PADI1: variants seen among roughly 807,000 people sequenced by gnomAD.
PADI1 encodes the protein peptidyl arginine deiminase 1.
A neutral mutation model predicts 74.8 loss-of-function variants in PADI1; 65 were observed. The ratio of observed to expected loss-of-function variants is 0.87; its 90% CI spans 0.71 to 1.07. The LOEUF is 1.07. PADI1 is among the 50% of genes least tolerant of loss of function. The probability of loss-of-function intolerance (pLI) is 0.00; values close to 1 mark genes in which losing one functional copy is unlikely to be tolerated. For synonymous variants in PADI1, 371 were observed against 336.2 expected (o/e 1.10, Z -1.13); for missense variants, 943 against 854.0 (o/e 1.10, Z -1.30).
intron 11 of PADI1, among the ~76,000 whole-genome samples, chr1:17,236,179 A>G (rs1350083868): frequency 6.6e-6 from 1 of 152,210 alleles, no homozygotes; most frequent in Non-Finnish European, 1.5e-5. Flanking sequence ...ACAACCAAAC[A>G]TTCCAGCAGA....
rs1393117546 is a variant in PADI1 at position 17,245,946 on chromosome 1, T to A, written c.*1703T>A. 1 of 152,224 alleles carries A rather than the reference T, an allele frequency of 6.6e-6. No homozygotes were observed. The highest frequency in any genetic ancestry group is 1.5e-5 in the Non-Finnish European group (1 of 68,040). The allele number at this position is 152,224 out of a possible 1,614,324, so 9.4% of individuals were successfully genotyped here. A position where few individuals can be genotyped will look rare whatever the true frequency, so the allele number is the denominator to read the frequency against. ...GGGGCCCTGGTGTTGGCTCTGAGAA[T>A]GTTCTGGGTGACCAGTCACCTACTT... On this transcript the variant is annotated 3_prime_UTR_variant, in exon 16 of 16. Transcript: ENST00000375471. The surrounding 1 kb of genome is among the most constrained non-coding windows in gnomAD (Gnocchi z 4.1).
At position 17,229,006 on chromosome 1, in the gene PADI1, T is replaced by C; in HGVS notation, c.884T>C (p.Ile295Thr). ...GTGGGCTTCCGCATGGCCCCCTGGA[T>C]CATGACGCCCAACACTCAGCCTCCT... is the stretch of plus-strand genomic sequence containing the variant. ...DTVGFRMAPW[I>T]MTPNTQPPEE... Residue 295 changes from isoleucine to threonine, a missense_variant, in exon 8 of 16, where the codon ATC (isoleucine) becomes ACC (threonine). Coordinates refer to ENST00000375471, the MANE Select transcript of PADI1 (RefSeq NM_013358.3). 6.3e-7 allele frequency: 1 copy of C among 1,593,312 alleles called. No individual in the cohort carries two copies. The highest frequency in any genetic ancestry group is 1.8e-5 in the Admixed American group (1 of 56,946).
Position 17,225,836 on chromosome 1 carries a change from G to A in PADI1, c.434G>A (p.Gly145Asp), listed in dbSNP as rs746655728. 6.2e-7 allele frequency: 1 copy of A among 1,614,108 alleles called. No homozygotes were observed. The highest frequency in any genetic ancestry group is 2.2e-5 in the East Asian group (1 of 44,872). Residue 145 changes from glycine to aspartate, a missense_variant, in exon 5 of 16, where the codon GGC (glycine) becomes GAC (aspartate). Physicochemically the swap from Gly to Asp is moderately conservative, Grantham distance 94. Coordinates refer to ENST00000375471, the MANE Select transcript of PADI1 (RefSeq NM_013358.3). ...AAAACCTGGCGCTGGGGCCCTGAGG[G>A]CTATGGGGCTATCTTGCTGGTGAAC... The part of the protein sequence containing the change: ...DKKTWRWGPE[G>D]YGAILLVNCD...
intron 15 of PADI1, 111 bp downstream of exon 15, chr1:17,240,871 C>T: frequency 1.7e-6 from 2 of 1,187,676 alleles, no homozygotes; most frequent in South Asian, 3.1e-5. Context: ...GCGGACCTCT[C>T]CAGTGTCTGT....
chr1:17,243,319 G>T (rs2072814656), intron 15 of PADI1, among the ~76,000 whole-genome samples: 1 of 114,556 alleles, frequency 8.7e-6, no homozygotes. Flanking sequence ...GTCCCCAAAG[G>T]CTTTTTCAGC....
intron 6 of PADI1, among the ~76,000 whole-genome samples, chr1:17,227,578 TA>T (rs1557468627): frequency 7.2e-6 from 1 of 138,418 alleles, no homozygotes; most frequent in Admixed American, 7.5e-5. Context: ...AATAAATAAA[TA>T]AATTACCACT....
chr1:17,222,517 C>T, intron 2 of PADI1, 47 bp downstream of exon 2: 2 of 1,435,032 alleles, frequency 1.4e-6, no homozygotes, highest in Non-Finnish European at 2.0e-6. Flanking sequence ...TCTCCACCCC[C>T]ATCCAAGGTA....
chr1:17,224,540 G>T, intron 4 of PADI1, 112 bp downstream of exon 4: 1 of 809,794 alleles, frequency 1.2e-6, no homozygotes, highest in Non-Finnish European at 2.1e-6. Flanking sequence ...AGGGTCTGTA[G>T]TATCCAACCA....
At chr1:17,217,591 T>TA (rs1385238033) in intron 1 of PADI1, among the ~76,000 whole-genome samples, 5 of 152,356 alleles carry the variant, frequency 3.3e-5, no homozygotes, top group African/African-American at 1.2e-4. Context: ...CAAATTATAT[T>TA]AAAAACAAAG....
chr1:17,211,800 TG>T (rs556791546), intron 1 of PADI1, among the ~76,000 whole-genome samples: 14 of 152,356 alleles, frequency 9.2e-5, no homozygotes, highest in Admixed American at 5.2e-4. Flanking sequence ...ACCCTCTGTG[TG>T]ACCTCTCTGT....
At chr1:17,225,541 G>T (rs922987262) in intron 4 of PADI1, among the ~76,000 whole-genome samples, 1 of 152,074 alleles carries the variant, frequency 6.6e-6, no homozygotes, top group Non-Finnish European at 1.5e-5. Context: ...CCATTTCTTG[G>T]TGTGGTAATG....
chr1:17,240,868 T>TCC, intron 15 of PADI1, 108 bp downstream of exon 15: 1 of 1,195,308 alleles, frequency 8.4e-7, no homozygotes, highest in South Asian at 1.5e-5. Context: ...CCTGCGGACC[T>TCC]CTCCAGTGTC....
chr1:17,207,484 G>T (rs1404236429), intron 1 of PADI1, among the ~76,000 whole-genome samples: 2 of 152,262 alleles, frequency 1.3e-5, no homozygotes. Flanking sequence ...GCCCATGCAT[G>T]TATAAGACCC....
chr1:17,235,271 G>A (rs952808943), intron 11 of PADI1, among the ~76,000 whole-genome samples: 1 of 142,884 alleles, frequency 7.0e-6, no homozygotes, highest in African/African-American at 2.7e-5. Flanking sequence ...GGGAAGGAAG[G>A]AAGGAAGGAA....
chr1:17,238,516 G>T, intron 12 of PADI1, 100 bp from the exon 13 acceptor site: 2 of 487,854 alleles, frequency 4.1e-6, no homozygotes, highest in South Asian at 6.1e-5. Context: ...GGAGAGGGGA[G>T]TCCCAAGAAC....
chr1:17,220,969 C>T (rs1163481250), intron 1 of PADI1, among the ~76,000 whole-genome samples: 3 of 152,170 alleles, frequency 2.0e-5, no homozygotes, highest in Non-Finnish European at 2.9e-5. Context: ...TGGCTGGGAG[C>T]AGCTGGTGGT....
chr1:17,210,081 C>A (rs530228277), intron 1 of PADI1, among the ~76,000 whole-genome samples: 1 of 152,302 alleles, frequency 6.6e-6, no homozygotes, highest in Non-Finnish European at 1.5e-5. Context: ...CTCAGGTGAT[C>A]TGCCCACCTC....
intron 1 of PADI1, among the ~76,000 whole-genome samples, chr1:17,208,771 A>G (rs751002279): frequency 6.6e-6 from 1 of 152,226 alleles, no homozygotes; most frequent in Non-Finnish European, 1.5e-5. Flanking sequence ...GCTCATGCCA[A>G]TAAAGACAGG....
chr1:17,240,812 G>T, intron 15 of PADI1, 52 bp downstream of exon 15: 1 of 1,591,494 alleles, frequency 6.3e-7, no homozygotes, highest in Non-Finnish European at 8.6e-7. Context: ...GCTCTGAGAA[G>T]AAGCACTCCC....
Sources: gnomAD v4.1 joint callset for allele counts (sites outside exome capture counted in the v4.1 genomes callset) on GRCh38, gnomAD v4.1.1 for gene constraint, Gnocchi (gnomAD v3.1) non-coding constraint, MANE v1.5 for transcripts, NCBI Gene and HGNC (gene_info 2026-07-23, HGNC 2026-07-21) for gene names.